Variants in HAPLN1 observed in about 807,000 individuals in gnomAD.
The protein encoded by HAPLN1 is Cartilage link protein.
Under a neutral mutation model 36.5 loss-of-function variants are expected in HAPLN1, and 13 were observed. The ratio of observed to expected loss-of-function variants is 0.36; its 90% CI spans 0.23 to 0.57. The LOEUF is 0.57. HAPLN1 is among the 20% of genes least tolerant of loss of function. The pLI, the probability that HAPLN1 is intolerant of heterozygous loss-of-function variation, is 0.83. For missense variants in HAPLN1, 407 were observed against 439.7 expected (o/e 0.93, Z 0.66); for synonymous variants, 202 against 169.8 (o/e 1.19, Z -1.48).
At chr5:83,688,288 G>C (rs1277587708) in intron 1 of HAPLN1, among the ~76,000 whole-genome samples, 1 of 152,182 alleles carries the variant, frequency 6.6e-6, no homozygotes, top group East Asian at 1.9e-4. Flanking sequence ...AGTCATCCCA[G>C]TGATCACTGA....
At chr5:83,656,135 C>G (rs955800781) in intron 2 of HAPLN1, among the ~76,000 whole-genome samples, 1 of 151,880 alleles carries the variant, frequency 6.6e-6, no homozygotes, top group Admixed American at 6.6e-5. Context: ...CGAGATCAGC[C>G]TGGTCAACAT....
chr5:83,713,085 G>A (rs992334276), intron 1 of HAPLN1, among the ~76,000 whole-genome samples: 1 of 151,686 alleles, frequency 6.6e-6, no homozygotes, highest in East Asian at 1.9e-4. Context: ...CAAGTACTCT[G>A]GTGAATTACC....
At chr5:83,644,337 A>C in intron 4 of HAPLN1, 26 bp downstream of exon 4, 1 of 1,458,858 alleles carries the variant, frequency 6.9e-7, no homozygotes, top group African/African-American at 1.4e-5. Context: ...GAGATAGGAA[A>C]GAAGGCAGTA....
chr5:83,688,476 C>T (rs1751189096), intron 1 of HAPLN1, among the ~76,000 whole-genome samples: 1 of 152,110 alleles, frequency 6.6e-6, no homozygotes, highest in Non-Finnish European at 1.5e-5. Context: ...TCCTCATTCT[C>T]AGTCGTAAAA....
At chr5:83,669,360 A>G (rs1467027263) in intron 2 of HAPLN1, among the ~76,000 whole-genome samples, 1 of 152,068 alleles carries the variant, frequency 6.6e-6, no homozygotes, top group East Asian at 1.9e-4. Flanking sequence ...GTAGCAGGGC[A>G]CTGTGGCAGG....
chr5:83,700,667 T>G (rs1456346993), intron 1 of HAPLN1, among the ~76,000 whole-genome samples: 1 of 151,944 alleles, frequency 6.6e-6, no homozygotes, highest in Non-Finnish European at 1.5e-5. Flanking sequence ...TTTTTTTACT[T>G]TTAGGCAGCT....
In HAPLN1 at chr5:83,638,300, G is replaced by C. The variant is rs558652105; in HGVS notation, c.*3196C>G. The C allele has an allele frequency of 2.4e-4, 36 of 151,834 alleles. No individual in the cohort carries two copies. Among genetic ancestry groups the C allele is most frequent in the African/African-American group, 8.2e-4 (34 of 41,454 alleles). The allele number at this position is 151,834 out of a possible 1,614,324, so 9.4% of individuals were successfully genotyped here. On this transcript the variant is annotated 3_prime_UTR_variant, in exon 5 of 5. Coordinates refer to ENST00000274341, the MANE Select transcript of HAPLN1 (RefSeq NM_001884.4). Reference sequence around the variant, plus strand: ...ATACAGATTGATTCTTCTCCTCAAAGTTATACTTGATATCTATTAAATGCC... The same window carrying C: ...ATACAGATTGATTCTTCTCCTCAAACTTATACTTGATATCTATTAAATGCC...
At chr5:83,645,859 G>A (rs1749858521) in intron 3 of HAPLN1, among the ~76,000 whole-genome samples, 1 of 151,924 alleles carries the variant, frequency 6.6e-6, no homozygotes, top group South Asian at 2.1e-4. Flanking sequence ...TAAGGGGTTT[G>A]AAACATTTTT....
At chr5:83,674,610 A>G (rs1750818291) in intron 1 of HAPLN1, 1 of 152,264 alleles carries the variant, frequency 6.6e-6, no homozygotes, top group South Asian at 2.1e-4. Context: ...AAAATTAACA[A>G]GGACCTTCTA....
At chr5:83,686,670 TC>T (rs1186118963) in intron 1 of HAPLN1, among the ~76,000 whole-genome samples, 7 of 152,124 alleles carry the variant, frequency 4.6e-5, no homozygotes, top group African/African-American at 1.7e-4. Context: ...ACATATCTCA[TC>T]CCCTTCACTG....
chr5:83,693,800 C>G (rs1041419841), intron 1 of HAPLN1, among the ~76,000 whole-genome samples: 5 of 151,742 alleles, frequency 3.3e-5, no homozygotes, highest in African/African-American at 9.7e-5. Context: ...AAAATGTATG[C>G]TTCTAATAAC....
chr5:83,673,899 A>G (rs1266573786), intron 1 of HAPLN1, among the ~76,000 whole-genome samples: 1 of 152,268 alleles, frequency 6.6e-6, no homozygotes, highest in Non-Finnish European at 1.5e-5. Flanking sequence ...CTGAATTTGC[A>G]ACATAAGTTA....
At chr5:83,678,165 T>A (rs1750903094) in intron 1 of HAPLN1, among the ~76,000 whole-genome samples, 1 of 152,008 alleles carries the variant, frequency 6.6e-6, no homozygotes, top group Non-Finnish European at 1.5e-5. Context: ...AACACCATGC[T>A]TATGTTCATT....
At chr5:83,707,112 C>T (rs1262007780) in intron 1 of HAPLN1, among the ~76,000 whole-genome samples, 10 of 152,120 alleles carry the variant, frequency 6.6e-5, no homozygotes, top group Non-Finnish European at 8.8e-5. Flanking sequence ...CCTTCACATG[C>T]TTATGGATAG....
intron 3 of HAPLN1, among the ~76,000 whole-genome samples, chr5:83,650,494 T>A (rs1409050655): frequency 6.6e-6 from 1 of 152,140 alleles, no homozygotes. Context: ...TGTAAAAATA[T>A]GTATCAATTA....
At chr5:83,704,278 G>A (rs1451850651) in intron 1 of HAPLN1, among the ~76,000 whole-genome samples, 1 of 152,140 alleles carries the variant, frequency 6.6e-6, no homozygotes, top group African/African-American at 2.4e-5. Flanking sequence ...GGCAAGGAAA[G>A]ACTGCTACTA....
intron 1 of HAPLN1, among the ~76,000 whole-genome samples, chr5:83,684,451 G>C (rs1404160816): frequency 1.3e-5 from 2 of 152,152 alleles, no homozygotes; most frequent in Non-Finnish European, 2.9e-5. Context: ...CAGTCGGAAT[G>C]GTGCCCACTA....
At chr5:83,704,011 T>C (rs1173179248) in intron 1 of HAPLN1, among the ~76,000 whole-genome samples, 1 of 150,340 alleles carries the variant, frequency 6.7e-6, no homozygotes, top group Non-Finnish European at 1.5e-5. Context: ...AAAGGGCAGG[T>C]CACCTAGAAA....
At chr5:83,683,205 C>A (rs1238969206) in intron 1 of HAPLN1, among the ~76,000 whole-genome samples, 1 of 152,152 alleles carries the variant, frequency 6.6e-6, no homozygotes, top group African/African-American at 2.4e-5. Context: ...CTAAATACTA[C>A]AAAATTACCA....
Sources: gnomAD v4.1 joint callset for allele counts (sites outside exome capture counted in the v4.1 genomes callset) on GRCh38, gnomAD v4.1.1 for gene constraint, MANE v1.5 for transcripts, NCBI Gene and HGNC (gene_info 2026-07-23, HGNC 2026-07-21) for gene names.